Variants in USP28 observed in about 807,000 individuals in gnomAD.
USP28 encodes ubiquitin carboxyl-terminal hydrolase 28.
A neutral mutation model predicts 145.0 loss-of-function variants in USP28; 113 were observed. The observed-to-expected ratio is 0.78, with a 90% CI of 0.67 to 0.91. The LOEUF (loss-of-function observed/expected upper bound fraction) is 0.91, where lower values mean the gene tolerates loss of function less well. USP28 is among the 40% of genes least tolerant of loss of function. USP28 has a pLI of 0.00. For synonymous variants in USP28, 447 were observed against 450.9 expected (o/e 0.99, Z 0.11); for missense variants, 1,201 against 1,289.6 (o/e 0.93, Z 1.05).
exon 14 of USP28, chr11:113,815,176 T>C (rs762886325): frequency 1.2e-6 from 2 of 1,613,672 alleles, no homozygotes; most frequent in African/African-American, 1.3e-5. Context: ...GAGCCAACCT[T>C]GTATATCTTG....
chr11:113,798,922 G>A (rs2285392), exon 25 of USP28: 18,073 of 174,114 alleles, frequency 0.1, 1,004 homozygotes, highest in Middle Eastern at 0.16. Flanking sequence ...TATGCCTGAA[G>A]GATAATTTTA....
chr11:113,857,768 A>AT (rs151035132), intron 1 of USP28, among the ~76,000 whole-genome samples: 1,544 of 152,364 alleles, frequency 0.01, 34 homozygotes, highest in African/African-American at 0.036. Context: ...TTACACTGTA[A>AT]TATTACCATT....
intron 5 of USP28, chr11:113,835,147 A>G (rs556970008): frequency 1.8e-4 from 72 of 398,784 alleles, no homozygotes; most frequent in African/African-American, 1.5e-3. Flanking sequence ...AGCAGATGGT[A>G]GAACTGGAGA....
chr11:113,870,204 A>G lies in USP28; in HGVS notation c.57+5241T>C, dbSNP rs1948680272. Among the ~76,000 whole-genome samples the G allele has an allele frequency of 2.0e-5, 3 of 152,124 alleles. No individual in the cohort carries two copies. In the South Asian group the frequency reaches 6.2e-4, roughly 31 times the overall value. On this transcript the variant is annotated intron_variant, in intron 1 of 24. Transcript: ENST00000003302. ...AAAAAGTAACAGCAAAAAAGTGGTA[A>G]TGAGGGATCATAAAAGCATAAAATA...
intron 11 of USP28, 100 bp downstream of exon 11, chr11:113,827,133 T>A (rs976769684): frequency 1.4e-6 from 2 of 1,403,930 alleles, no homozygotes; most frequent in Non-Finnish European, 1.9e-6. Context: ...TTGCATATTA[T>A]CATGTCTCCC....
chr11:113,860,457 GAAAAAAC>G (rs978509880), intron 1 of USP28, among the ~76,000 whole-genome samples: 3 of 137,946 alleles, frequency 2.2e-5, no homozygotes, highest in Admixed American at 7.3e-5. Flanking sequence ...AAAAAAAAAA[GAAAAAAC>G]AAAAAACAAA....
At chr11:113,864,470 C>T (rs1247341896) in intron 1 of USP28, among the ~76,000 whole-genome samples, 5 of 152,070 alleles carry the variant, frequency 3.3e-5, no homozygotes, top group African/African-American at 4.8e-5. Flanking sequence ...AGGAGACCAG[C>T]GGTGTAGTGT....
chr11:113,829,828 A>G (rs1165301871), intron 9 of USP28, among the ~76,000 whole-genome samples: 1 of 147,120 alleles, frequency 6.8e-6, no homozygotes, highest in Non-Finnish European at 1.5e-5. Context: ...TTGTCTCAAA[A>G]AAAAAAAAAA....
intron 5 of USP28, among the ~76,000 whole-genome samples, chr11:113,835,009 G>A (rs1162205949): frequency 6.6e-6 from 1 of 152,104 alleles, no homozygotes; most frequent in Non-Finnish European, 1.5e-5. Context: ...GGGAAAGGGA[G>A]GATGTCACAA....
chr11:113,805,396 C>T (rs1939778057), intron 19 of USP28, among the ~76,000 whole-genome samples: 1 of 151,868 alleles, frequency 6.6e-6, no homozygotes, highest in African/African-American at 2.4e-5. Flanking sequence ...GCTGGGACTA[C>T]AGGCATATAC....
At chr11:113,815,723 T>C (rs1186005506) in intron 13 of USP28, among the ~76,000 whole-genome samples, 1 of 152,100 alleles carries the variant, frequency 6.6e-6, no homozygotes, top group Non-Finnish European at 1.5e-5. Context: ...GATTATTCCT[T>C]CCCATGAGGA....
At chr11:113,815,754 A>G (rs1445754419) in intron 13 of USP28, among the ~76,000 whole-genome samples, 3 of 152,222 alleles carry the variant, frequency 2.0e-5, no homozygotes, top group South Asian at 2.1e-4. Flanking sequence ...AGGAAAATGG[A>G]AAAGAGAAGA....
intron 3 of USP28, among the ~76,000 whole-genome samples, chr11:113,849,057 T>C (rs1384133692): frequency 6.6e-6 from 1 of 152,226 alleles, no homozygotes; most frequent in Non-Finnish European, 1.5e-5. Context: ...CATGCTGTCT[T>C]GCTGGCGGAT....
intron 13 of USP28, 101 bp from the exon 14 acceptor site, chr11:113,815,483 G>A: frequency 1.9e-6 from 2 of 1,078,742 alleles, no homozygotes; most frequent in Non-Finnish European, 2.7e-6. Flanking sequence ...AAAAGTACAG[G>A]TATTCAGTGA....
At chr11:113,867,847 AAGGG>A (rs1303332989) in intron 1 of USP28, among the ~76,000 whole-genome samples, 3 of 129,134 alleles carry the variant, frequency 2.3e-5, no homozygotes, top group Non-Finnish European at 5.0e-5. Context: ...GAAAGGGAGG[AAGGG>A]AGGGAGGGAG....
rs1470621237 is a variant in USP28 at position 113,817,657 on chromosome 11, C to T, written c.1463+1G>A. On this transcript the variant is annotated splice_donor_variant, in intron 13 of 24. Coordinates refer to ENST00000003302, the Ensembl canonical transcript of USP28. LOFTEE classifies it high-confidence loss of function. Reference sequence around the variant, plus strand: ...CATTAAAAAAAAAATGTTTTCATTACCTTTCCTTGGATGTCTGGTCAGAAA... The same window carrying T: ...CATTAAAAAAAAAATGTTTTCATTATCTTTCCTTGGATGTCTGGTCAGAAA... The T allele has an allele frequency of 1.2e-6, 2 of 1,610,316 alleles. No homozygotes were observed. Among genetic ancestry groups the T allele is most frequent in the Admixed American group, 1.7e-5 (1 of 59,628 alleles).
intron 23 of USP28, 138 bp from the exon 25 acceptor site, chr11:113,801,816 T>C: frequency 3.3e-6 from 2 of 607,752 alleles, no homozygotes; most frequent in East Asian, 5.6e-5. Flanking sequence ...TACTGATGCC[T>C]GGTTCCCACT....
chr11:113,809,650 A>G (rs1368419429), intron 16 of USP28, among the ~76,000 whole-genome samples: 4 of 152,238 alleles, frequency 2.6e-5, no homozygotes, highest in Non-Finnish European at 4.4e-5. Flanking sequence ...TGTATGGACA[A>G]TGTAAGGGCA....
chr11:113,829,024 T>C, intron 10 of USP28, 173 bp downstream of exon 10: 3 of 838,218 alleles, frequency 3.6e-6, no homozygotes, highest in Non-Finnish European at 5.8e-6. Context: ...AAATTATTTA[T>C]CAAAGTACTG....
Sources: gnomAD v4.1 joint callset for allele counts (sites outside exome capture counted in the v4.1 genomes callset) on GRCh38, gnomAD v4.1.1 for gene constraint, MANE v1.5 for transcripts, NCBI Gene and HGNC (gene_info 2026-07-23, HGNC 2026-07-21) for gene names.